KLHL32: variants seen among roughly 807,000 people sequenced by gnomAD.
KLHL32 encodes the protein kelch-like protein 32.
Under a neutral mutation model 64.8 loss-of-function variants are expected in KLHL32, and 35 were observed. The observed-to-expected ratio is 0.54, with a 90% CI of 0.41 to 0.72. KLHL32 has a LOEUF of 0.72. KLHL32 is among the 30% of genes least tolerant of loss of function. The pLI is 0.00. For missense variants in KLHL32, 589 were observed against 768.5 expected (o/e 0.77, Z 2.76); for synonymous variants, 259 against 281.0 (o/e 0.92, Z 0.78).
chr6:97,045,790 G>A (rs549787069), intron 4 of KLHL32, among the ~76,000 whole-genome samples: 39 of 152,320 alleles, frequency 2.6e-4, no homozygotes, highest in African/African-American at 9.1e-4. Context: ...GTGAACTGAA[G>A]TGAAGATAGC....
At chr6:97,011,742 G>A (rs1305038758) in intron 3 of KLHL32, among the ~76,000 whole-genome samples, 1 of 152,136 alleles carries the variant, frequency 6.6e-6, no homozygotes, top group Admixed American at 6.5e-5. Flanking sequence ...AAACTTCTGA[G>A]TAGAAAAGGA....
chr6:96,929,120 G>A (rs1472685214), intron 1 of KLHL32, among the ~76,000 whole-genome samples: 2 of 152,186 alleles, frequency 1.3e-5, no homozygotes, highest in Admixed American at 6.5e-5. Flanking sequence ...CTGGGTGGGA[G>A]AGCTACCTGT....
chr6:97,049,792 T>C lies in KLHL32; in HGVS notation c.312+8193T>C, dbSNP rs551175916. Among the ~76,000 whole-genome samples, 11 of 152,322 alleles carry C rather than the reference T, an allele frequency of 7.2e-5. No homozygotes were observed. In the East Asian group the frequency reaches 2.1e-3, roughly 29 times the overall value. ...CTAGTTATTTGCCTTGGGGTAGATTTTCTCTTTTATCAGTGCATTATTGAA... is the reference window on the plus strand; with the variant it reads ...CTAGTTATTTGCCTTGGGGTAGATTCTCTCTTTTATCAGTGCATTATTGAA... On this transcript the variant is annotated intron_variant, in intron 4 of 10. Transcript: ENST00000369261.
At chr6:96,961,716 G>A (rs1173619274) in intron 1 of KLHL32, among the ~76,000 whole-genome samples, 1 of 152,192 alleles carries the variant, frequency 6.6e-6, no homozygotes, top group Non-Finnish European at 1.5e-5. Flanking sequence ...GAAAGGTGAG[G>A]TAATTAGGGC....
intron 8 of KLHL32, among the ~76,000 whole-genome samples, chr6:97,128,870 A>G (rs1386062500): frequency 1.3e-5 from 2 of 152,254 alleles, no homozygotes; most frequent in Non-Finnish European, 2.9e-5. Flanking sequence ...GATGGCGTCC[A>G]TAGTCTGGTG....
At chr6:96,926,431 T>A (rs1010996784) in intron 1 of KLHL32, among the ~76,000 whole-genome samples, 1 of 152,154 alleles carries the variant, frequency 6.6e-6, no homozygotes, top group African/African-American at 2.4e-5. Flanking sequence ...AGAAAGCACT[T>A]TTCATATACT....
chr6:97,064,785 G>T (rs1264078707), intron 5 of KLHL32, 59 bp downstream of exon 5: 2 of 1,391,448 alleles, frequency 1.4e-6, no homozygotes. Context: ...ACAGTCATAA[G>T]CTGGCCCCCA....
chr6:96,957,162 G>A (rs907387221), intron 1 of KLHL32, among the ~76,000 whole-genome samples: 7 of 152,150 alleles, frequency 4.6e-5, no homozygotes, highest in South Asian at 2.1e-4. Flanking sequence ...TGTATTAAGC[G>A]CTTAGCACAT....
chr6:97,033,341 C>T (rs1248434781), intron 3 of KLHL32, among the ~76,000 whole-genome samples: 2 of 152,094 alleles, frequency 1.3e-5, no homozygotes, highest in African/African-American at 2.4e-5. Flanking sequence ...CATATTGTTG[C>T]AAATGGCAGG....
At chr6:97,060,561 C>G (rs143774121) in intron 4 of KLHL32, among the ~76,000 whole-genome samples, 1 of 152,300 alleles carries the variant, frequency 6.6e-6, no homozygotes, top group Non-Finnish European at 1.5e-5. Context: ...TTCTCCTCCT[C>G]TTTCACCGGA....
At chr6:97,119,765 G>T (rs537989691) in intron 7 of KLHL32, among the ~76,000 whole-genome samples, 1 of 152,188 alleles carries the variant, frequency 6.6e-6, no homozygotes, top group African/African-American at 2.4e-5. Context: ...TTTAGGGAGA[G>T]AATGTGTTGT....
Position 97,068,560 on chromosome 6 carries a change from T to C in KLHL32, c.411+3834T>C, listed in dbSNP as rs1273229344. Among the ~76,000 whole-genome samples, 5 of 152,252 alleles carry C rather than the reference T, an allele frequency of 3.3e-5. No individual in the cohort carries two copies. In the East Asian group the frequency reaches 9.6e-4, roughly 29 times the overall value. ...ATTATTCACACCACACTGGGCAATA[T>C]GCACTGTAATTTTTAACAAATAATA... On this transcript the variant is annotated intron_variant, in intron 5 of 10. Coordinates refer to ENST00000369261, the MANE Select transcript of KLHL32 (RefSeq NM_052904.4).
chr6:96,907,976 T>C, the KLHL32 span, among the ~76,000 whole-genome samples: 8 of 152,168 alleles, frequency 5.3e-5, no homozygotes, highest in Admixed American at 3.9e-4. Context: ...CATGGACTCA[T>C]AAATAGTGGA....
chr6:96,985,726 G>T (rs1401732479), intron 3 of KLHL32, among the ~76,000 whole-genome samples: 1 of 135,902 alleles, frequency 7.4e-6, no homozygotes, highest in Non-Finnish European at 1.6e-5. Context: ...GTTCCATCAG[G>T]TCCTTTAAGG....
intron 6 of KLHL32, among the ~76,000 whole-genome samples, chr6:97,093,941 A>G (rs1794613304): frequency 6.6e-6 from 1 of 152,224 alleles, no homozygotes; most frequent in East Asian, 1.9e-4. Context: ...AAAAGTCTGT[A>G]GGCTGTTGTC....
At chr6:96,991,015 C>T (rs1321566354) in intron 3 of KLHL32, among the ~76,000 whole-genome samples, 1 of 151,928 alleles carries the variant, frequency 6.6e-6, no homozygotes, top group African/African-American at 2.4e-5. Context: ...TTAATCGGGG[C>T]TTGTGGTGAC....
At chr6:97,114,681 G>A (rs1311019282) in intron 7 of KLHL32, 172 bp downstream of exon 7, 3 of 708,904 alleles carry the variant, frequency 4.2e-6, no homozygotes, top group South Asian at 1.8e-5. Flanking sequence ...CAATGTAATT[G>A]GAAATAATAT....
At chr6:97,101,335 C>T (rs1412239239) in intron 6 of KLHL32, among the ~76,000 whole-genome samples, 1 of 152,162 alleles carries the variant, frequency 6.6e-6, no homozygotes, top group Non-Finnish European at 1.5e-5. Flanking sequence ...TTACCTCCAA[C>T]AATTCCAAAT....
intron 1 of KLHL32, among the ~76,000 whole-genome samples, chr6:96,929,520 T>A (rs1769585094): frequency 6.6e-6 from 1 of 152,212 alleles, no homozygotes; most frequent in Non-Finnish European, 1.5e-5. Context: ...TAGAACATTT[T>A]ACTTTCTCTG....
Sources: allele counts gnomAD v4.1 joint callset (sites outside exome capture counted in the v4.1 genomes callset), GRCh38; gene constraint gnomAD v4.1.1; transcripts MANE v1.5; gene names NCBI Gene and HGNC (gene_info 2026-07-23, HGNC 2026-07-21).